FIS1: variants seen among roughly 807,000 people sequenced by gnomAD.
FIS1 encodes mitochondrial fission 1 protein.
Under a neutral mutation model 21.6 loss-of-function variants are expected in FIS1, and 16 were observed. The ratio of observed to expected loss-of-function variants is 0.74; its 90% CI spans 0.50 to 1.12. The LOEUF (loss-of-function observed/expected upper bound fraction) is 1.12. FIS1 is among the 50% of genes most tolerant of loss of function. The pLI is 0.00. For synonymous variants in FIS1, 92 were observed against 82.2 expected (o/e 1.12, Z -0.65); for missense variants, 198 against 190.9 (o/e 1.04, Z -0.22).
rs369659573 is a variant in FIS1, at chr7:101,239,864, A to C, written c.401T>G (p.Leu134Arg). 6.2e-7 allele frequency: 1 copy of C among 1,609,672 alleles called. No homozygotes were observed. The highest frequency in any genetic ancestry group is 8.5e-7 in the Non-Finnish European group (1 of 1,178,136). The change falls in exon 5 of 5, where the codon CTG becomes CGG. Residue 134 changes from leucine to arginine, a missense_variant. By Grantham distance (102) the Leu-to-Arg change is moderately radical (BLOSUM62 -2). Coordinates refer to ENST00000223136, the MANE Select transcript of FIS1 (RefSeq NM_016068.3). ...GAGTCCGGCCAGTCCCGCCACACCC[A>C]GGGCCATGCCTCCCACGATGGCCAT... ...VGMAIVGGMA[L>R]GVAGLAGLIG... is the part of the protein sequence containing the mutation.
chr7:101,244,290 G>C, intron 1 of FIS1, 151 bp from the exon 2 acceptor site: 1 of 1,099,410 alleles, frequency 9.1e-7, no homozygotes, highest in Non-Finnish European at 1.2e-6. Flanking sequence ...CGGGACCCAG[G>C]CTTTCGGCTC....
intron 1 of FIS1, 82 bp downstream of exon 1, chr7:101,244,878 G>T (rs775358848): frequency 6.4e-7 from 1 of 1,556,236 alleles, no homozygotes; most frequent in African/African-American, 1.4e-5. Flanking sequence ...CCGATGCCGG[G>T]AGGAGGGTTC....
At chr7:101,240,024 C>T in intron 4 of FIS1, 118 bp downstream of exon 4, 1 of 1,413,032 alleles carries the variant, frequency 7.1e-7, no homozygotes. Context: ...GGGCAAGGGG[C>T]TCTAAGAACT....
intron 1 of FIS1, 72 bp downstream of exon 1, chr7:101,244,888 C>T: frequency 6.3e-7 from 1 of 1,576,840 alleles, no homozygotes; most frequent in Non-Finnish European, 8.7e-7. Context: ...GAGGAGGGTT[C>T]GGCCCCTACC....
chr7:101,244,513 C>G (rs1175505869), intron 1 of FIS1: 2 of 332,598 alleles, frequency 6.0e-6, no homozygotes, highest in African/African-American at 4.3e-5. Flanking sequence ...CCCACCCTGC[C>G]GGGCCTGGAC....
Position 101,244,901 on chromosome 7 carries a change from A to G in FIS1, c.45+59T>C, listed in dbSNP as rs1182206796. On this transcript the variant is annotated intron_variant, in intron 1 of 4. Transcript: ENST00000223136. Reference sequence around the variant, plus strand: ...GGGAGGAGGGTTCGGCCCCTACCTGACTCTCCTCAGGACCCGCCCTCCGAC... The same window carrying G: ...GGGAGGAGGGTTCGGCCCCTACCTGGCTCTCCTCAGGACCCGCCCTCCGAC... The G allele has an allele frequency of 2.5e-6, 4 of 1,602,670 alleles. No individual in the cohort carries two copies. In the Admixed American group the frequency reaches 6.7e-5, roughly 27 times the overall value.
intron 2 of FIS1, 116 bp from the exon 3 acceptor site, chr7:101,241,022 A>C: frequency 1.0e-6 from 1 of 993,790 alleles, no homozygotes; most frequent in Non-Finnish European, 1.6e-6. Flanking sequence ...GGAGGGTCAC[A>C]GTCCTAAGCC....
At position 101,242,044 on chromosome 7, in the gene FIS1, A is replaced by T. The variant is rs553335889; in HGVS notation, c.179-1138T>A. Among the ~76,000 whole-genome samples, 14 of 152,220 alleles carry T rather than the reference A, an allele frequency of 9.2e-5. No individual in the cohort carries two copies. In the South Asian group the frequency reaches 2.5e-3, roughly 27 times the overall value. On this transcript the variant is annotated intron_variant, in intron 2 of 4. Coordinates refer to ENST00000223136, the MANE Select transcript of FIS1 (RefSeq NM_016068.3). Reference sequence around the variant, plus strand: ...CAGCCTCAAACTCCTGGGGTCAGTGATCCTCCTGCCTCAGCCTCCCAAGTA... The same window carrying T: ...CAGCCTCAAACTCCTGGGGTCAGTGTTCCTCCTGCCTCAGCCTCCCAAGTA...
chr7:101,245,059 GC>G lies in FIS1; in HGVS notation c.-56del. ...AGTCTACTGTGCCACAGTCTCCATG[GC>G]CCAGTGGCAGGGGCGGAGAACCACT... is the stretch of plus-strand genomic sequence containing the variant. On this transcript the variant is annotated 5_prime_UTR_variant, in exon 1 of 5. Coordinates refer to ENST00000223136, the MANE Select transcript of FIS1 (RefSeq NM_016068.3). 6.3e-7 allele frequency: 1 copy of G among 1,578,128 alleles called. No individual in the cohort carries two copies. Among genetic ancestry groups the G allele is most frequent in the Non-Finnish European group, 8.6e-7 (1 of 1,156,898 alleles).
rs1226997254 is a variant in FIS1 at position 101,240,220 on chromosome 7, G to A, written c.283C>T (p.Arg95Cys). 3.1e-6 allele frequency: 5 copies of A among 1,614,230 alleles called. No homozygotes were observed. The highest frequency in any genetic ancestry group is 2.2e-5 in the East Asian group (1 of 44,888). ...KEYEKALKYV[R>C]GLLQTEPQNN... ...TGGGGCTCTGTCTGCAGCAACCCGC[G>A]GACGTACTTTAAGGCCTTCTCGTAT... The change falls in exon 4 of 5, where the codon CGC (arginine) becomes TGC (cysteine). Residue 95 changes from arginine to cysteine, a missense_variant. Coordinates refer to ENST00000223136, the MANE Select transcript of FIS1 (RefSeq NM_016068.3).
chr7:101,244,738 G>A, intron 1 of FIS1: 2 of 585,224 alleles, frequency 3.4e-6, no homozygotes, highest in Non-Finnish European at 6.1e-6. Context: ...CTCCAGGCCC[G>A]TAGTCTGAGG....
At chr7:101,240,033 C>G in intron 4 of FIS1, 109 bp downstream of exon 4, 3 of 1,435,676 alleles carry the variant, frequency 2.1e-6, no homozygotes, top group Non-Finnish European at 1.9e-6. Flanking sequence ...GCTCTAAGAA[C>G]TGGAAGGGGT....
At chr7:101,244,834 G>A in intron 1 of FIS1, 126 bp downstream of exon 1, 2 of 1,190,194 alleles carry the variant, frequency 1.7e-6, no homozygotes, top group East Asian at 2.5e-5. Context: ...TGTGGAGGCT[G>A]CCGGGAGCCG....
chr7:101,240,182 G>T lies in FIS1; in HGVS notation c.321C>A (p.Ala107=). The T allele has an allele frequency of 1.2e-6, 2 of 1,614,204 alleles. No individual in the cohort carries two copies. Among genetic ancestry groups the T allele is most frequent in the Non-Finnish European group, 1.7e-6 (2 of 1,180,038 alleles). Reference sequence around the variant, plus strand: ...TGTCAATGAGCCGCTCCAGTTCCTTGGCCTGGTTGTTCTGGGGCTCTGTCT... The same window carrying T: ...TGTCAATGAGCCGCTCCAGTTCCTTTGCCTGGTTGTTCTGGGGCTCTGTCT... The part of the protein sequence containing the change: ...LLQTEPQNNQ[A]KELERLIDKA... Residue 107 remains alanine (A), a synonymous_variant, in exon 4 of 5, where the codon GCC becomes GCA. Transcript: ENST00000223136.
chr7:101,244,861 G>A (rs749373169), intron 1 of FIS1, 99 bp downstream of exon 1: 2 of 1,492,586 alleles, frequency 1.3e-6, no homozygotes, highest in Non-Finnish European at 1.8e-6. Flanking sequence ...GGCTTCCCTC[G>A]GCCAAGCCGA....
intron 3 of FIS1, 143 bp from the exon 4 acceptor site, chr7:101,240,390 C>A (rs1304394128): frequency 1.3e-6 from 1 of 772,656 alleles, no homozygotes; most frequent in Middle Eastern, 3.2e-4. Context: ...CCTCAAACTC[C>A]CAGGCTCAAG....
At chr7:101,244,721 G>A in intron 1 of FIS1, 1 of 572,088 alleles carries the variant, frequency 1.7e-6, no homozygotes, top group Non-Finnish European at 3.1e-6. Context: ...GTCTAACCAC[G>A]GTCGGGCTCC....
At chr7:101,241,326 T>C (rs1798744691) in intron 2 of FIS1, 1 of 169,056 alleles carries the variant, frequency 5.9e-6, no homozygotes, top group African/African-American at 2.4e-5. Context: ...GTTCAAGCGA[T>C]TCTCCTGCCT....
chr7:101,240,976 G>A (rs1798740186), intron 2 of FIS1, 70 bp from the exon 3 acceptor site: 3 of 1,486,008 alleles, frequency 2.0e-6, no homozygotes, highest in Admixed American at 1.7e-5. Context: ...GTGTCCCAGA[G>A]GCCCCTTCCA....
Sources: allele counts gnomAD v4.1 joint callset (sites outside exome capture counted in the v4.1 genomes callset), GRCh38; gene constraint gnomAD v4.1.1; transcripts MANE v1.5; gene names NCBI Gene and HGNC (gene_info 2026-07-23, HGNC 2026-07-21).